Variants in DSE observed in about 807,000 individuals in gnomAD.
The protein encoded by DSE is dermatan sulfate epimerase.
A neutral mutation model predicts 84.4 loss-of-function variants in DSE; 36 were observed. That is an observed-to-expected ratio of 0.43 (90% CI 0.33 to 0.56). The LOEUF (loss-of-function observed/expected upper bound fraction) is 0.56, where lower values mean the gene tolerates loss of function less well. DSE is among the 20% of genes least tolerant of loss of function. The pLI is 0.06. For missense variants in DSE, 862 were observed against 1,169.6 expected, an observed-to-expected ratio of 0.74 and a Z score of 3.84; for synonymous variants, 410 against 430.1, an observed-to-expected ratio of 0.95 and a Z score of 0.58.
Position 116,436,902 on chromosome 6 carries a change from G to C in DSE, c.2434G>C (p.Ala812Pro). 6.2e-7 allele frequency: 1 copy of C among 1,614,084 alleles called. No homozygotes were observed. The highest frequency in any genetic ancestry group is 1.1e-5 in the South Asian group (1 of 91,078). The stretch of plus-strand genomic sequence containing the variant: ...AAGCAAGTCAAAGAAAAACCGAAGG[G>C]CAGGCAAACGCTATAAATTTGTGGA... ...QQSKSKKNRRAGKRYKFVDAV... is the reference protein window; with the variant it reads ...QQSKSKKNRRPGKRYKFVDAV... The change falls in exon 6 of 6, where the codon GCA becomes CCA. Residue 812 changes from alanine (A) to proline (P), a missense_variant. By Grantham distance (27) the Ala-to-Pro change is conservative. Transcript: ENST00000644252.
intron 2 of DSE, among the ~76,000 whole-genome samples, chr6:116,354,103 T>C (rs529247778): frequency 6.4e-4 from 97 of 152,346 alleles, no homozygotes; most frequent in African/African-American, 2.0e-3. Flanking sequence ...TCCTGAAATA[T>C]AGTCTTTCTC....
chr6:116,300,433 T>C (rs1267688496), intron 2 of DSE, among the ~76,000 whole-genome samples: 1 of 152,192 alleles, frequency 6.6e-6, no homozygotes, highest in Non-Finnish European at 1.5e-5. Flanking sequence ...TCTGAATATA[T>C]CATTTTATCC....
At chr6:116,302,650 T>A (rs1399262537) in intron 2 of DSE, among the ~76,000 whole-genome samples, 2 of 152,230 alleles carry the variant, frequency 1.3e-5, no homozygotes, top group Admixed American at 6.5e-5. Flanking sequence ...TTTAATTAGA[T>A]CCTATTTGTC....
chr6:116,401,807 C>T (rs1454229394), intron 2 of DSE, among the ~76,000 whole-genome samples: 1 of 151,748 alleles, frequency 6.6e-6, no homozygotes, highest in Non-Finnish European at 1.5e-5. Flanking sequence ...AAGAAGTACA[C>T]AATGAGTATT....
chr6:116,372,028 T>C (rs1247974521), intron 1 of DSE, among the ~76,000 whole-genome samples: 1 of 152,262 alleles, frequency 6.6e-6, no homozygotes, highest in Non-Finnish European at 1.5e-5. Context: ...GTAATAAAGT[T>C]CTTTTTAAAA....
chr6:116,299,770 G>A (rs546975303), intron 2 of DSE, among the ~76,000 whole-genome samples: 1 of 151,668 alleles, frequency 6.6e-6, no homozygotes, highest in Admixed American at 6.6e-5. Flanking sequence ...AACTTTTTAG[G>A]GCACATCTTT....
Position 116,256,342 on chromosome 6 carries a change from A to T in DSE, c.-576+2047A>T, listed in dbSNP as rs189771233. ...ACTATACACCTAAGCTAAATAGTAT[A>T]TCATATTGCTCCTAGGCTACAAACC... On this transcript the variant is annotated intron_variant, in intron 1 of 3. Transcript: ENST00000430252. The T allele has an allele frequency of 1.3e-4, 20 of 152,232 alleles. 1 individual carries two copies. The highest frequency in any genetic ancestry group is 4.4e-5 in the Non-Finnish European group (3 of 68,034). 9.4% of individuals were successfully genotyped at this position (152,232 alleles called of 1,614,324 possible). A position where few individuals can be genotyped will look rare whatever the true frequency, so the allele number is the denominator to read the frequency against.
intron 2 of DSE, among the ~76,000 whole-genome samples, chr6:116,291,719 T>A (rs899611256): frequency 1.8e-4 from 27 of 152,088 alleles, no homozygotes; most frequent in African/African-American, 5.8e-4. Flanking sequence ...GAAGGTTATA[T>A]GATTAAAGGC....
chr6:116,279,191 C>A lies in DSE; in HGVS notation c.-54+20224C>A. On this transcript the variant is annotated intron_variant, in intron 2 of 3. Transcript: ENST00000430252. Reference sequence around the variant, plus strand: ...GGCCAGGGCCCTTCTTCCTCCCTCGCCTCCTCCTCCAATCTATCCTCCTCC... The same window carrying A: ...GGCCAGGGCCCTTCTTCCTCCCTCGACTCCTCCTCCAATCTATCCTCCTCC... 16 of 1,611,466 alleles carry A rather than the reference C, an allele frequency of 9.9e-6. No individual in the cohort carries two copies. The highest frequency in any genetic ancestry group is 1.4e-5 in the Non-Finnish European group (16 of 1,179,660).
At chr6:116,344,690 T>A (rs1167591572) in intron 2 of DSE, among the ~76,000 whole-genome samples, 2 of 152,184 alleles carry the variant, frequency 1.3e-5, no homozygotes, top group African/African-American at 4.8e-5. Context: ...GTAAAGATCA[T>A]CAATGCTAGG....
rs61741781 is a variant in DSE, at chr6:116,436,429, G to A, written c.1961G>A (p.Arg654Gln). 2.5e-4 allele frequency: 402 copies of A among 1,613,958 alleles called. No individual in the cohort carries two copies. The African/African-American group carries it at 4.3e-3, about 17-fold the overall frequency. ...TNYVNVTMHLRSPITRAAYLF... is the reference protein window; with the variant it reads ...TNYVNVTMHLQSPITRAAYLF... ...TATGTGAATGTCACCATGCACCTCC[G>A]AAGTCCCATCACCAGGGCAGCTTAC... Residue 654 changes from arginine (R) to glutamine (Q), a missense_variant, in exon 6 of 6, where the codon CGA becomes CAA. By Grantham distance (43) the Arg-to-Gln change is conservative. Coordinates refer to ENST00000644252, the MANE Select transcript of DSE (RefSeq NM_013352.4).
At chr6:116,376,490 A>C (rs1391272001) in intron 1 of DSE, among the ~76,000 whole-genome samples, 2 of 152,260 alleles carry the variant, frequency 1.3e-5, no homozygotes, top group African/African-American at 4.8e-5. Flanking sequence ...TGGAAAGAGA[A>C]GAAAAGATTA....
intron 2 of DSE, among the ~76,000 whole-genome samples, chr6:116,338,219 C>CTTTTTTTTTTTTTTT (rs893312210): frequency 6.8e-4 from 62 of 91,188 alleles, no homozygotes; most frequent in East Asian, 1.3e-3. Flanking sequence ...TTTCTTCTTT[C>CTTTTTTTTTTTTTTT]TTTTTTTTTT....
chr6:116,309,809 A>G (rs1775571289), intron 2 of DSE, among the ~76,000 whole-genome samples: 1 of 152,198 alleles, frequency 6.6e-6, no homozygotes, highest in Non-Finnish European at 1.5e-5. Context: ...AAAAGGGAGC[A>G]AACTCCCTCT....
At chr6:116,389,673 T>G (rs1460791182) in intron 1 of DSE, among the ~76,000 whole-genome samples, 1 of 152,236 alleles carries the variant, frequency 6.6e-6, no homozygotes, top group Non-Finnish European at 1.5e-5. Flanking sequence ...GAGATTTAGC[T>G]GTTGGCTTCA....
intron 2 of DSE, among the ~76,000 whole-genome samples, chr6:116,416,566 A>T (rs547343529): frequency 1.3e-5 from 2 of 152,184 alleles, no homozygotes; most frequent in East Asian, 3.9e-4. Flanking sequence ...GTGTTATAAA[A>T]TTTATATTAA....
At chr6:116,278,268 T>C (rs1432301312) in intron 2 of DSE, 1 of 503,660 alleles carries the variant, frequency 2.0e-6, no homozygotes, top group African/African-American at 1.9e-5. Context: ...GGCTTACAAG[T>C]AGTGTGAAGG....
intron 2 of DSE, among the ~76,000 whole-genome samples, chr6:116,418,740 C>T (rs141924531): frequency 1.9e-4 from 29 of 152,288 alleles, no homozygotes; most frequent in South Asian, 4.1e-4. Flanking sequence ...TCTTTGAAAG[C>T]GCCGTTCTTC....
chr6:116,370,397 T>C, upstream of DSE: 11 of 373,042 alleles, frequency 2.9e-5, no homozygotes, highest in Admixed American at 6.5e-5. Context: ...AAGTCCCCCC[T>C]CCCACTAACT....
Sources: gnomAD v4.1 joint callset for allele counts (sites outside exome capture counted in the v4.1 genomes callset) on GRCh38, gnomAD v4.1.1 for gene constraint, MANE v1.5 for transcripts, NCBI Gene and HGNC (gene_info 2026-07-23, HGNC 2026-07-21) for gene names.